Variants in COL9A1 observed in about 807,000 individuals in gnomAD.
COL9A1 encodes the protein collagen type IX alpha 1 chain.
A neutral mutation model predicts 142.6 loss-of-function variants in COL9A1; 104 were observed. That is an observed-to-expected ratio of 0.73 (90% CI 0.62 to 0.86). The LOEUF (loss-of-function observed/expected upper bound fraction) is 0.86. COL9A1 is among the 40% of genes least tolerant of loss of function. The pLI is 0.00. For synonymous variants in COL9A1, 466 were observed against 396.0 expected, an observed-to-expected ratio of 1.18 and a Z score of -2.10; for missense variants, 1,210 against 1,176.6, an observed-to-expected ratio of 1.03 and a Z score of -0.42.
At chr6:70,278,273 G>A (rs3806095) in intron 10 of COL9A1, among the ~76,000 whole-genome samples, 45,385 of 151,948 alleles carry the variant, frequency 0.3, 6,863 homozygotes, top group Middle Eastern at 0.37. Context: ...TATTAAGATC[G>A]TCACTTGTAT....
chr6:70,226,194 A>T (rs1413285871), intron 36 of COL9A1, among the ~76,000 whole-genome samples, 185 bp from the exon 37 acceptor site: 1 of 152,214 alleles, frequency 6.6e-6, no homozygotes, highest in East Asian at 1.9e-4. Context: ...TAAGGGGGGA[A>T]AATCAAATTA....
rs961711132 is a variant in COL9A1 at position 70,241,296 on chromosome 6, C to T, written c.2034+123G>A. On this transcript the variant is annotated intron_variant, in intron 31 of 37. Coordinates refer to ENST00000357250, the MANE Select transcript of COL9A1 (RefSeq NM_001851.6). ...CACCAGGTTTCACTCACTATGAACA[C>T]ATTGAGAAAAACTGTTAGCCTTCAT... 3.7e-6 allele frequency: 3 copies of T among 820,622 alleles called. No individual in the cohort carries two copies. In the South Asian group the frequency reaches 4.1e-5, roughly 11 times the overall value. 50.8% of individuals were successfully genotyped at this position (820,622 alleles called of 1,614,324 possible). A position where few individuals can be genotyped will look rare whatever the true frequency, so the allele number is the denominator to read the frequency against.
chr6:70,283,549 C>T (rs1333583032), intron 6 of COL9A1, among the ~76,000 whole-genome samples, 188 bp downstream of exon 6: 2 of 152,222 alleles, frequency 1.3e-5, no homozygotes, highest in Non-Finnish European at 2.9e-5. Flanking sequence ...GTGGTTTCTA[C>T]CCGCCAGGTC....
intron 21 of COL9A1, 44 bp downstream of exon 21, chr6:70,256,724 A>G (rs1195992558): frequency 3.1e-6 from 5 of 1,604,960 alleles, no homozygotes; most frequent in African/African-American, 2.7e-5. Flanking sequence ...ATAGCAAAAA[A>G]AAAAAAATCT....
chr6:70,254,400 G>T, intron 25 of COL9A1, 76 bp downstream of exon 25: 2 of 1,305,778 alleles, frequency 1.5e-6, no homozygotes, highest in Non-Finnish European at 2.2e-6. Flanking sequence ...AGATTAGGTA[G>T]CATGTCTCTC....
intron 4 of COL9A1, among the ~76,000 whole-genome samples, chr6:70,297,757 C>A (rs1300267043): frequency 6.6e-6 from 1 of 151,378 alleles, no homozygotes. Context: ...GACCTTAACC[C>A]AAAAAAGACC....
intron 5 of COL9A1, among the ~76,000 whole-genome samples, chr6:70,290,641 A>T (rs915597311): frequency 6.9e-6 from 1 of 145,134 alleles, no homozygotes; most frequent in African/African-American, 2.6e-5. Flanking sequence ...AGTGACTCTT[A>T]GCATCAGTGA....
Position 70,302,944 on chromosome 6 carries a change from T to C in COL9A1, c.-20A>G. Reference sequence around the variant, plus strand: ...CTTCATTTTCCCAGTTGATTTTCTTTGTTTGCCAACAGTCCCTATGAAGAA... The same window carrying C: ...CTTCATTTTCCCAGTTGATTTTCTTCGTTTGCCAACAGTCCCTATGAAGAA... On this transcript the variant is annotated 5_prime_UTR_variant, in exon 1 of 38. Coordinates refer to ENST00000357250, the MANE Select transcript of COL9A1 (RefSeq NM_001851.6). The C allele has an allele frequency of 6.2e-7, 1 of 1,613,880 alleles. No individual in the cohort carries two copies. Among genetic ancestry groups the C allele is most frequent in the South Asian group, 1.1e-5 (1 of 91,074 alleles).
intron 6 of COL9A1, chr6:70,283,181 C>A: frequency 6.7e-7 from 1 of 1,493,388 alleles, no homozygotes; most frequent in South Asian, 1.3e-5. Flanking sequence ...GTAGCGGTTG[C>A]CAAAGCGTCC....
At chr6:70,267,019 G>A (rs2127586571) in intron 17 of COL9A1, among the ~76,000 whole-genome samples, 1 of 152,314 alleles carries the variant, frequency 6.6e-6, no homozygotes, top group South Asian at 2.1e-4. Flanking sequence ...TCAGCAATGT[G>A]ATTCATTGAT....
At chr6:70,296,687 T>G (rs924284140) in intron 4 of COL9A1, among the ~76,000 whole-genome samples, 2 of 152,130 alleles carry the variant, frequency 1.3e-5, no homozygotes, top group Non-Finnish European at 2.9e-5. Context: ...CTTACCTAAC[T>G]TACCTCAATA....
At chr6:70,228,889 G>T (rs777546335) in intron 36 of COL9A1, among the ~76,000 whole-genome samples, 1 of 151,986 alleles carries the variant, frequency 6.6e-6, no homozygotes, top group Non-Finnish European at 1.5e-5. Context: ...TAAACTAATG[G>T]CATAAGCATT....
intron 5 of COL9A1, among the ~76,000 whole-genome samples, chr6:70,291,996 A>C (rs943604091): frequency 2.6e-5 from 4 of 152,216 alleles, no homozygotes; most frequent in Non-Finnish European, 5.9e-5. Context: ...AAAGCATTTC[A>C]AAAACTTTGA....
downstream of COL9A1, chr6:70,216,027 C>T (rs1274298123): frequency 6.6e-6 from 1 of 152,134 alleles, no homozygotes; most frequent in African/African-American, 2.4e-5. Context: ...TAAACATACA[C>T]CTATAGAACC....
At chr6:70,301,769 C>T (rs909590189) in intron 2 of COL9A1, among the ~76,000 whole-genome samples, 1 of 152,214 alleles carries the variant, frequency 6.6e-6, no homozygotes, top group African/African-American at 2.4e-5. Flanking sequence ...GGCACTGCAG[C>T]TCACAGATTG....
chr6:70,284,994 G>A (rs1414959731), intron 5 of COL9A1, among the ~76,000 whole-genome samples: 2 of 152,196 alleles, frequency 1.3e-5, no homozygotes, highest in African/African-American at 4.8e-5. Context: ...GAAGAATGAA[G>A]TCTTTCCTTC....
chr6:70,226,063 C>T (rs1308531141), intron 36 of COL9A1, 54 bp from the exon 37 acceptor site: 45 of 1,463,608 alleles, frequency 3.1e-5, no homozygotes, highest in Non-Finnish European at 3.9e-5. Flanking sequence ...AAATAAACTT[C>T]CGCATCTTTA....
At chr6:70,234,257 T>TGTGTGC (rs1032032453) in intron 35 of COL9A1, among the ~76,000 whole-genome samples, 15 of 145,938 alleles carry the variant, frequency 1.0e-4, no homozygotes, top group African/African-American at 3.4e-4. Context: ...TGTGTGTGTG[T>TGTGTGC]GCACTTTGTT....
rs576402446 is a variant in COL9A1, at chr6:70,260,284, G to T, written c.1449+373C>A. Among the ~76,000 whole-genome samples, 3 of 152,156 alleles carry T rather than the reference G, an allele frequency of 2.0e-5. 1 individual carries two copies. In the South Asian group the frequency reaches 6.2e-4, roughly 32 times the overall value. Reference sequence around the variant, plus strand: ...AGGCTGGGCGCGGTGGCTCACACCTGTAATCCCAGTACTTTGGGAGGCCGA... The same window carrying T: ...AGGCTGGGCGCGGTGGCTCACACCTTTAATCCCAGTACTTTGGGAGGCCGA... On this transcript the variant is annotated intron_variant, in intron 20 of 37. Coordinates refer to ENST00000357250, the MANE Select transcript of COL9A1 (RefSeq NM_001851.6).
Sources: gnomAD v4.1 joint callset for allele counts (sites outside exome capture counted in the v4.1 genomes callset) on GRCh38, gnomAD v4.1.1 for gene constraint, MANE v1.5 for transcripts, NCBI Gene and HGNC (gene_info 2026-07-23, HGNC 2026-07-21) for gene names.